The following REC8 variants were observed in gnomAD, a reference collection of about 807,000 sequenced individuals.
REC8 encodes the protein REC8 meiotic recombination protein.
A neutral mutation model predicts 78.3 loss-of-function variants in REC8; 42 were observed. That is an observed-to-expected ratio of 0.54 (90% CI 0.42 to 0.69). REC8 has a LOEUF of 0.69. Ranked by LOEUF, REC8 falls within the 30% of genes least tolerant of loss-of-function variation. The pLI, the probability that REC8 is intolerant of heterozygous loss-of-function variation, is 0.00. For synonymous variants in REC8, 268 were observed against 274.1 expected, an observed-to-expected ratio of 0.98 and a Z score of 0.22; for missense variants, 581 against 715.8, an observed-to-expected ratio of 0.81 and a Z score of 2.15.
intron 7 of REC8, 75 bp from the exon 8 acceptor site, chr14:24,177,066 C>G: frequency 6.8e-7 from 1 of 1,471,804 alleles, no homozygotes; most frequent in Middle Eastern, 1.9e-4. Flanking sequence ...CCTCTGGGAT[C>G]CACTCTCCTG....
chr14:24,178,634 T>C lies in REC8; in HGVS notation c.1025T>C (p.Ile342Thr). 6.2e-7 allele frequency: 1 copy of C among 1,614,014 alleles called. No individual in the cohort carries two copies. The highest frequency in any genetic ancestry group is 8.5e-7 in the Non-Finnish European group (1 of 1,179,974). The change falls in exon 13 of 19, where the codon ATC becomes ACC. Residue 342 changes from isoleucine to threonine, a missense_variant. Transcript: ENST00000611366. ...CPMVQPPERT[I>T]RGPAELFRTP... ...ATGGTGCAGCCGCCCGAGAGGACCATCAGAGGCCCTGCGGAGTTGTTCAGA... is the reference window on the plus strand; with the variant it reads ...ATGGTGCAGCCGCCCGAGAGGACCACCAGAGGCCCTGCGGAGTTGTTCAGA...
intron 10 of REC8, 55 bp downstream of exon 10, chr14:24,177,596 A>G (rs2038957795): frequency 6.3e-7 from 1 of 1,584,936 alleles, no homozygotes; most frequent in Admixed American, 1.8e-5. Flanking sequence ...ATACTGCTGC[A>G]GACAAGGGCT....
chr14:24,180,213 C>G lies in REC8; in HGVS notation c.*118C>G, dbSNP rs1314262190. 3.7e-6 allele frequency: 6 copies of G among 1,602,664 alleles called. No individual in the cohort carries two copies. The highest frequency in any genetic ancestry group is 3.3e-5 in the South Asian group (3 of 89,808). On this transcript the variant is annotated 3_prime_UTR_variant, in exon 19 of 19. Coordinates refer to ENST00000611366, the MANE Select transcript of REC8 (RefSeq NM_001048205.2). ...TGTGCATTTCCAGCCTTCTTGCTCT[C>G]AGAGCTATTGTTCAAGCAGAAAACA...
In REC8 at chr14:24,173,155, C is replaced by T; in HGVS notation, c.298C>T (p.His100Tyr). ...CATCCAGCACATCTTGGAGCGCCTC[C>T]ACCGTGCCCAGCTGCAGATCCGAAT... ...EDIQHILERL[H>Y]RAQLQIRIDM... Residue 100 changes from histidine to tyrosine, a missense_variant, in exon 4 of 19, where the codon CAC (histidine) becomes TAC (tyrosine). Physicochemically the swap from His to Tyr is moderately conservative, Grantham distance 83. Coordinates refer to ENST00000611366, the MANE Select transcript of REC8 (RefSeq NM_001048205.2). 6.2e-7 allele frequency: 1 copy of T among 1,614,182 alleles called. No individual in the cohort carries two copies. Among genetic ancestry groups the T allele is most frequent in the Non-Finnish European group, 8.5e-7 (1 of 1,180,046 alleles).
Position 24,177,160 on chromosome 14 carries a change from A to G in REC8, c.644A>G (p.Glu215Gly). The G allele has an allele frequency of 6.2e-7, 1 of 1,614,030 alleles. No individual in the cohort carries two copies. Among genetic ancestry groups the G allele is most frequent in the Non-Finnish European group, 8.5e-7 (1 of 1,179,972 alleles). Residue 215 changes from glutamate (E) to glycine (G), a missense_variant, in exon 8 of 19, where the codon GAG (glutamate) becomes GGG (glycine). Coordinates refer to ENST00000611366, the MANE Select transcript of REC8 (RefSeq NM_001048205.2). ...LEIEGERELPEVSRRELDLLI... is the reference protein window; with the variant it reads ...LEIEGERELPGVSRRELDLLI... ...GGACAGGGTGAACGGGAGCTCCCAG[A>G]GGTCAGCCGCCGAGAACTGGACCTG... is the stretch of plus-strand genomic sequence containing the variant.
In REC8 at chr14:24,178,788, C is replaced by T; in HGVS notation, c.1075C>T (p.Pro359Ser). The change falls in exon 14 of 19, where the codon CCC becomes TCC. Residue 359 changes from proline (P) to serine (S), a missense_variant. Pro to Ser is a moderately conservative substitution (Grantham distance 74). Transcript: ENST00000611366. ...CCTCTTGTCCACAGCTGGCTGGCTA[C>T]CCCCTGAACTACTGGGTCTCTGGAC... ...FRTPTLSGWLPPELLGLWTHC... is the reference protein window; with the variant it reads ...FRTPTLSGWLSPELLGLWTHC... The T allele has an allele frequency of 3.7e-6, 6 of 1,609,870 alleles. No individual in the cohort carries two copies. Among genetic ancestry groups the T allele is most frequent in the Non-Finnish European group, 5.1e-6 (6 of 1,177,052 alleles).
At chr14:24,180,333 A>G, downstream of REC8, 1 of 1,506,728 alleles carries the variant, frequency 6.6e-7, no homozygotes, top group Non-Finnish European at 8.9e-7. Context: ...CTGGCTCCAA[A>G]TGGGTATGAG....
downstream of REC8, chr14:24,180,809 T>C (rs776409339): frequency 1.9e-6 from 3 of 1,567,218 alleles, no homozygotes; most frequent in Admixed American, 5.2e-5. Flanking sequence ...ACCCCAGGTC[T>C]AGGAGGGTGG....
chr14:24,180,041 A>G lies in REC8; in HGVS notation c.1590A>G (p.Lys530=). ...CAGCGCAACAGATTCTTCACGTGAA[A>G]CAAGAAAAGCCATATGGTCGCCTCC... ...VLSAQQILHV[K]QEKPYGRLLI... Residue 530 remains lysine (K), a synonymous_variant, in exon 19 of 19, where the codon AAA becomes AAG. Coordinates refer to ENST00000611366, the MANE Select transcript of REC8 (RefSeq NM_001048205.2). The G allele has an allele frequency of 6.2e-7, 1 of 1,614,116 alleles. No individual in the cohort carries two copies. Among genetic ancestry groups the G allele is most frequent in the South Asian group, 1.1e-5 (1 of 91,084 alleles).
chr14:24,177,042 G>C, intron 7 of REC8, 99 bp from the exon 8 acceptor site: 8 of 1,363,702 alleles, frequency 5.9e-6, no homozygotes, highest in Non-Finnish European at 8.3e-6. Flanking sequence ...CCTTGAACCT[G>C]GCCCTGTGGC....
chr14:24,172,676 T>G (rs2038717195), intron 1 of REC8, 37 bp from the exon 2 acceptor site: 2 of 1,613,888 alleles, frequency 1.2e-6, no homozygotes, highest in East Asian at 2.2e-5. Flanking sequence ...CAGCTCCCCC[T>G]CCATCCCCAT....
chr14:24,178,068 T>C lies in REC8; in HGVS notation c.865-23T>C, dbSNP rs755458831. ...AAGGAGTAATGGGCAGCCTTGCCCC[T>C]ACCTGCCCTCCCCACTCAACAGAGG... On this transcript the variant is annotated intron_variant, in intron 11 of 18. Transcript: ENST00000611366. The C allele has an allele frequency of 1.7e-5, 27 of 1,607,480 alleles. No individual in the cohort carries two copies. In the Admixed American group the frequency reaches 3.4e-4, roughly 20 times the overall value.
chr14:24,179,019 C>A, intron 14 of REC8, 66 bp from the exon 15 acceptor site: 2 of 1,594,426 alleles, frequency 1.3e-6, no homozygotes, highest in Non-Finnish European at 1.7e-6. Context: ...GGCTCACTGG[C>A]CTTGTGCCTT....
At position 24,179,744 on chromosome 14, in the gene REC8, C is replaced by T. The variant is rs372805410; in HGVS notation, c.1451+18C>T. 4.5e-5 allele frequency: 72 copies of T among 1,614,064 alleles called. No individual in the cohort carries two copies. Among genetic ancestry groups the T allele is most frequent in the Non-Finnish European group, 5.0e-5 (59 of 1,180,044 alleles). On this transcript the variant is annotated intron_variant, in intron 17 of 18. Transcript: ENST00000611366. ...GTGCACAGGTACCAGGGAGGTGGCA[C>T]CTTGATGGGGTGGACCCGGGCTGAA...
chr14:24,179,308 C>A, intron 15 of REC8, 89 bp from the exon 16 acceptor site: 1 of 1,416,902 alleles, frequency 7.1e-7, no homozygotes, highest in Non-Finnish European at 1.0e-6. Flanking sequence ...AGTCACCGCA[C>A]GGCTCTGCCA....
rs764860831 is a variant in REC8 at position 24,179,145 on chromosome 14, G to A, written c.1252+12G>A. 6.4e-7 allele frequency: 1 copy of A among 1,563,100 alleles called. No homozygotes were observed. Among genetic ancestry groups the A allele is most frequent in the East Asian group, 2.4e-5 (1 of 41,550 alleles). ...TATGGTGTCTTTAGGTAAGCACCTAGAGAAGAGGCGCAGTGGGACCACACC... is the reference window on the plus strand; with the variant it reads ...TATGGTGTCTTTAGGTAAGCACCTAAAGAAGAGGCGCAGTGGGACCACACC... On this transcript the variant is annotated intron_variant, in intron 15 of 18. Coordinates refer to ENST00000611366, the MANE Select transcript of REC8 (RefSeq NM_001048205.2).
chr14:24,179,230 C>A, intron 15 of REC8, 97 bp downstream of exon 15: 1 of 1,243,688 alleles, frequency 8.0e-7, no homozygotes, highest in Non-Finnish European at 1.2e-6. Flanking sequence ...TGAGTGAAGG[C>A]GTGTGTGTGT....
intron 16 of REC8, 22 bp downstream of exon 16, chr14:24,179,485 G>C: frequency 6.2e-7 from 1 of 1,614,074 alleles, no homozygotes; most frequent in Admixed American, 1.7e-5. Flanking sequence ...GGCTCCGTGG[G>C]AGCCAGGGCC....
rs1206321812 is a variant in REC8, at chr14:24,178,219, A to G, written c.993A>G (p.Glu331=). 27 of 1,613,526 alleles carry G rather than the reference A, an allele frequency of 1.7e-5. No homozygotes were observed. Among genetic ancestry groups the G allele is most frequent in the Non-Finnish European group, 2.1e-5 (25 of 1,179,562 alleles). ...TGCAAACCAGAGCCCACTGCTGGGA[A>G]TGTGTGAGTGCAGCCCAGGCTTTGC... is the stretch of plus-strand genomic sequence containing the variant. ...EQLQTRAHCW[E]CPMVQPPERT... The change falls in exon 12 of 19, where the codon GAA becomes GAG. Residue 331 remains glutamate, a synonymous_variant. Transcript: ENST00000611366.
Sources: gnomAD v4.1 joint callset for allele counts on GRCh38, gnomAD v4.1.1 for gene constraint, MANE v1.5 for transcripts, NCBI Gene and HGNC (gene_info 2026-07-23, HGNC 2026-07-21) for gene names.